Variants in ARHGAP20 observed in about 807,000 individuals in gnomAD.
The protein encoded by ARHGAP20 is rho GTPase-activating protein 20.
A neutral mutation model predicts 73.7 loss-of-function variants in ARHGAP20; 34 were observed. The observed-to-expected ratio is 0.46, with a 90% CI of 0.35 to 0.61. The LOEUF (loss-of-function observed/expected upper bound fraction) is 0.61, where lower values mean the gene tolerates loss of function less well. ARHGAP20 is among the 20% of genes least tolerant of loss of function. The probability of loss-of-function intolerance (pLI) is 0.00; values close to 1 mark genes in which losing one functional copy is unlikely to be tolerated. For missense variants in ARHGAP20, 1,314 were observed against 1,420.9 expected, an observed-to-expected ratio of 0.92 and a Z score of 1.21; for synonymous variants, 523 against 518.2, an observed-to-expected ratio of 1.01 and a Z score of -0.13.
chr11:110,606,426 TA>T, intron 9 of ARHGAP20, 134 bp downstream of exon 9: 1 of 975,170 alleles, frequency 1.0e-6, no homozygotes, highest in Non-Finnish European at 1.5e-6. Flanking sequence ...CATCTTCTTC[TA>T]AAAGTCCATC....
In ARHGAP20 at chr11:110,578,289, G is replaced by T; in HGVS notation, c.*1081C>A. Reference sequence around the variant, plus strand: ...GAAGGCCTGGCAGCCACTTTGTTGGGTATTCTATTGTGGGACTCCTTATAA... The same window carrying T: ...GAAGGCCTGGCAGCCACTTTGTTGGTTATTCTATTGTGGGACTCCTTATAA... On this transcript the variant is annotated 3_prime_UTR_variant, in exon 15 of 15. Transcript: ENST00000683387. 1.0e-6 allele frequency: 1 copy of T among 985,458 alleles called. No individual in the cohort carries two copies. Among genetic ancestry groups the T allele is most frequent in the East Asian group, 1.1e-4 (1 of 8,822 alleles). 61.0% of individuals were successfully genotyped at this position (985,458 alleles called of 1,614,324 possible). A position where few individuals can be genotyped will look rare whatever the true frequency, so the allele number is the denominator to read the frequency against.
chr11:110,578,720 C>A lies in ARHGAP20; in HGVS notation c.*650G>T. The A allele has an allele frequency of 2.0e-6, 2 of 985,416 alleles. No homozygotes were observed. Among genetic ancestry groups the A allele is most frequent in the Non-Finnish European group, 2.4e-6 (2 of 829,934 alleles). 61.0% of individuals were successfully genotyped at this position (985,416 alleles called of 1,614,324 possible). On this transcript the variant is annotated 3_prime_UTR_variant, in exon 15 of 15. Transcript: ENST00000683387. ...AAAACAAACCGACAAATACAACCAA[C>A]AAAACTGATATCATGGTACCCATGG...
At chr11:110,653,040 C>A (rs768727268) in intron 2 of ARHGAP20, among the ~76,000 whole-genome samples, 3 of 152,042 alleles carry the variant, frequency 2.0e-5, no homozygotes, top group Non-Finnish European at 4.4e-5. Flanking sequence ...GAAACTGGAC[C>A]CTTTCCTTAC....
At chr11:110,689,753 T>C (rs561218057) in intron 2 of ARHGAP20, among the ~76,000 whole-genome samples, 1 of 147,530 alleles carries the variant, frequency 6.8e-6, no homozygotes, top group Admixed American at 6.6e-5. Flanking sequence ...GGAAAGGCGG[T>C]CTCATAATAG....
At position 110,580,854 on chromosome 11, in the gene ARHGAP20, T is replaced by G; in HGVS notation, c.2092A>C (p.Arg698=). The G allele has an allele frequency of 6.2e-7, 1 of 1,612,942 alleles. No homozygotes were observed. Among genetic ancestry groups the G allele is most frequent in the Admixed American group, 1.7e-5 (1 of 59,962 alleles). The part of the protein sequence containing the change: ...TAAANAAKSL[R]RHRRCSEPSI... ...GGCTCTGAGCAACGCCGGTGTCGCC[T>G]CAGGCTTTTTGCAGCATTTGCTGCA... Residue 698 remains arginine, a synonymous_variant, in exon 15 of 15, where the codon AGG becomes CGG. Transcript: ENST00000683387.
intron 10 of ARHGAP20, 45 bp from the exon 11 acceptor site, chr11:110,590,854 A>G: frequency 6.4e-7 from 1 of 1,571,672 alleles, no homozygotes; most frequent in East Asian, 2.3e-5. Flanking sequence ...ACTTCCACAC[A>G]CACAAGGGAA....
intron 2 of ARHGAP20, among the ~76,000 whole-genome samples, chr11:110,664,727 CAAAAAAAAA>C (rs34643863): frequency 9.1e-5 from 8 of 88,338 alleles, no homozygotes; most frequent in Non-Finnish European, 2.0e-4. Context: ...GACTCCGTCT[CAAAAAAAAA>C]AAAAAAAAAG....
intron 9 of ARHGAP20, among the ~76,000 whole-genome samples, chr11:110,594,868 G>C (rs1311507008): frequency 1.3e-5 from 2 of 151,950 alleles, no homozygotes; most frequent in Non-Finnish European, 2.9e-5. Flanking sequence ...CAACATCCTT[G>C]ATAAACATTG....
chr11:110,693,056 G>T (rs949551645), intron 1 of ARHGAP20, among the ~76,000 whole-genome samples: 1 of 151,960 alleles, frequency 6.6e-6, no homozygotes, highest in African/African-American at 2.4e-5. Context: ...TCAAAGAAGG[G>T]TGACAAATTT....
chr11:110,660,066 A>C (rs956282400), intron 2 of ARHGAP20, among the ~76,000 whole-genome samples: 3 of 143,620 alleles, frequency 2.1e-5, no homozygotes, highest in African/African-American at 5.9e-5. Context: ...AAAAACAAAA[A>C]AAAAAAAAAA....
At chr11:110,590,921 G>A (rs2134826560) in intron 10 of ARHGAP20, 112 bp from the exon 11 acceptor site, 2 of 1,086,818 alleles carry the variant, frequency 1.8e-6, no homozygotes, top group Non-Finnish European at 1.3e-6. Context: ...TAAAAGCACT[G>A]AAGGATTGGA....
At chr11:110,664,659 C>T (rs988273236) in intron 2 of ARHGAP20, among the ~76,000 whole-genome samples, 2 of 144,658 alleles carry the variant, frequency 1.4e-5, no homozygotes, top group African/African-American at 5.1e-5. Context: ...ACCCGGGAGG[C>T]GGAGCTTCCA....
At chr11:110,665,451 T>C (rs1476188412) in intron 2 of ARHGAP20, among the ~76,000 whole-genome samples, 1 of 152,020 alleles carries the variant, frequency 6.6e-6, no homozygotes, top group Admixed American at 6.6e-5. Flanking sequence ...TTTTCAGACA[T>C]TGGACAACAG....
At position 110,630,755 on chromosome 11, in the gene ARHGAP20, G is replaced by C; in HGVS notation, c.226C>G (p.Leu76Val). The C allele has an allele frequency of 6.2e-7, 1 of 1,614,086 alleles. No homozygotes were observed. Among genetic ancestry groups the C allele is most frequent in the Non-Finnish European group, 8.5e-7 (1 of 1,179,970 alleles). ...CTATTGGAGCACACTAATGATGACA[G>C]AAATGTGCATGTGTCAACACTAGCA... ...PSASVDTCTF[L>V]SSLVCSNRTL... Residue 76 changes from leucine to valine, a missense_variant, in exon 3 of 15, where the codon CTG becomes GTG. Around this residue, in one of 3 missense-constraint regions of ARHGAP20, gnomAD observed 443 missense variants for 466.4 expected, o/e 0.95. Coordinates refer to ENST00000683387, the MANE Select transcript of ARHGAP20 (RefSeq NM_001384657.1).
chr11:110,670,352 AAG>A (rs1472405564), intron 2 of ARHGAP20, among the ~76,000 whole-genome samples: 1 of 152,072 alleles, frequency 6.6e-6, no homozygotes, highest in Non-Finnish European at 1.5e-5. Context: ...AGGGGGAAAA[AAG>A]AGAATTTGGA....
chr11:110,709,476 G>A (rs886158147), intron 1 of ARHGAP20, among the ~76,000 whole-genome samples: 1 of 152,132 alleles, frequency 6.6e-6, no homozygotes, highest in Non-Finnish European at 1.5e-5. Context: ...AAAATATCAG[G>A]CCAGGATGAA....
intron 2 of ARHGAP20, among the ~76,000 whole-genome samples, chr11:110,653,900 A>T (rs1290685203): frequency 1.3e-5 from 2 of 152,186 alleles, no homozygotes; most frequent in Non-Finnish European, 2.9e-5. Context: ...AAGGAACAAG[A>T]TAATGTCCTT....
At chr11:110,597,286 A>T (rs1260978020) in intron 9 of ARHGAP20, among the ~76,000 whole-genome samples, 4 of 137,668 alleles carry the variant, frequency 2.9e-5, no homozygotes, top group Non-Finnish European at 6.2e-5. Flanking sequence ...GTATAATAAT[A>T]ATAAAATTAA....
intron 2 of ARHGAP20, among the ~76,000 whole-genome samples, chr11:110,633,694 C>T (rs990240379): frequency 2.0e-5 from 3 of 152,070 alleles, no homozygotes; most frequent in Admixed American, 6.6e-5. Flanking sequence ...TGACATAACC[C>T]GTTGTAAGTC....
Sources: gnomAD v4.1 joint callset for allele counts (sites outside exome capture counted in the v4.1 genomes callset) on GRCh38, gnomAD v4.1.1 for gene constraint, gnomAD v4.1.1 regional missense constraint, MANE v1.5 for transcripts, NCBI Gene and HGNC (gene_info 2026-07-23, HGNC 2026-07-21) for gene names.